Variants in LIMCH1 observed in about 807,000 individuals in gnomAD.
LIMCH1 encodes the protein LIM and calponin homology domains 1.
A neutral mutation model predicts 176.5 loss-of-function variants in LIMCH1; 113 were observed. The observed-to-expected ratio is 0.64, with a 90% confidence interval of 0.55 to 0.75. The LOEUF (loss-of-function observed/expected upper bound fraction) is 0.75. LIMCH1 is among the 30% of genes least tolerant of loss of function. The pLI, the probability that LIMCH1 is intolerant of heterozygous loss-of-function variation, is 0.00. For synonymous variants in LIMCH1, 619 were observed against 645.9 expected (o/e 0.96, Z 0.63); for missense variants, 1,674 against 1,814.9 (o/e 0.92, Z 1.41).
intron 28 of LIMCH1, among the ~76,000 whole-genome samples, 198 bp from the exon 29 acceptor site, chr4:41,687,641 CA>C (rs748514985): frequency 2.0e-5 from 3 of 151,658 alleles, no homozygotes; most frequent in Non-Finnish European, 4.4e-5. Flanking sequence ...GTAGCTAATA[CA>C]TGTACAATTC....
intron 24 of LIMCH1, among the ~76,000 whole-genome samples, 192 bp downstream of exon 24, chr4:41,680,290 G>A (rs954452772): frequency 6.6e-6 from 1 of 152,210 alleles, no homozygotes; most frequent in Admixed American, 6.5e-5. Flanking sequence ...CACAAATACA[G>A]TTCGTGATAA....
At chr4:41,608,639 G>A (rs116673681) in intron 4 of LIMCH1, among the ~76,000 whole-genome samples, 1,836 of 152,254 alleles carry the variant, frequency 0.012, 44 homozygotes, top group African/African-American at 0.042. Flanking sequence ...AGTCTGGCAT[G>A]TAGTAGGTAT....
chr4:41,374,844 T>G (rs1161761822), intron 1 of LIMCH1, among the ~76,000 whole-genome samples: 1 of 152,142 alleles, frequency 6.6e-6, no homozygotes, highest in Non-Finnish European at 1.5e-5. Flanking sequence ...GCTTTTCCAC[T>G]AAAGGCTGGC....
At chr4:41,606,050 G>A (rs1250712959) in intron 4 of LIMCH1, 46 bp downstream of exon 4, 1 of 1,342,138 alleles carries the variant, frequency 7.5e-7, no homozygotes, top group Non-Finnish European at 1.1e-6. Context: ...AGACAAGGTG[G>A]GAAAGCTACA....
At chr4:41,475,462 A>G (rs1481904213) in intron 1 of LIMCH1, among the ~76,000 whole-genome samples, 1 of 152,196 alleles carries the variant, frequency 6.6e-6, no homozygotes, top group Non-Finnish European at 1.5e-5. Context: ...TTTCTTCCCC[A>G]CTTTGCATTC....
chr4:41,501,022 C>T (rs1246894703), intron 2 of LIMCH1, among the ~76,000 whole-genome samples: 1 of 152,110 alleles, frequency 6.6e-6, no homozygotes, highest in South Asian at 2.1e-4. Context: ...AACTGAGGAT[C>T]ATCAAAATCA....
At chr4:41,396,702 A>C (rs1220550630) in intron 1 of LIMCH1, among the ~76,000 whole-genome samples, 2 of 152,058 alleles carry the variant, frequency 1.3e-5, no homozygotes, top group Admixed American at 1.3e-4. Context: ...GGAGTTCGAG[A>C]CCAGCCTGGC....
At chr4:41,571,992 C>T (rs2083633125) in intron 1 of LIMCH1, among the ~76,000 whole-genome samples, 1 of 152,124 alleles carries the variant, frequency 6.6e-6, no homozygotes, top group South Asian at 2.1e-4. Context: ...ATTTTAATCT[C>T]CAATGATTTC....
At chr4:41,403,933 T>G (rs1034684752) in intron 1 of LIMCH1, among the ~76,000 whole-genome samples, 7 of 152,190 alleles carry the variant, frequency 4.6e-5, no homozygotes, top group African/African-American at 1.7e-4. Flanking sequence ...CAAATTGATT[T>G]CAGACATTTG....
At chr4:41,414,496 C>T (rs1234006524) in intron 1 of LIMCH1, among the ~76,000 whole-genome samples, 1 of 152,218 alleles carries the variant, frequency 6.6e-6, no homozygotes, top group Non-Finnish European at 1.5e-5. Context: ...ACACGCTAGA[C>T]TAATCTAATG....
intron 1 of LIMCH1, among the ~76,000 whole-genome samples, chr4:41,432,755 C>T (rs28619445): frequency 0.018 from 2,666 of 152,234 alleles, 69 homozygotes; most frequent in African/African-American, 0.059. Context: ...TCAATGGCAA[C>T]GATCCTTCCT....
Position 41,682,474 on chromosome 4 carries a change from C to T in LIMCH1, c.3845+14C>T. 1 of 1,608,900 alleles carries T rather than the reference C, an allele frequency of 6.2e-7. No homozygotes were observed. Among genetic ancestry groups the T allele is most frequent in the Non-Finnish European group, 8.5e-7 (1 of 1,177,694 alleles). On this transcript the variant is annotated intron_variant, in intron 26 of 31. Coordinates refer to ENST00000503057, the MANE Select transcript of LIMCH1 (RefSeq NM_001330672.2). ...GGAGAAGGGCAGGTATGAGCCCATCCCAAGCCACCATGAAAATGTACAAAG... is the reference window on the plus strand; with the variant it reads ...GGAGAAGGGCAGGTATGAGCCCATCTCAAGCCACCATGAAAATGTACAAAG...
At chr4:41,472,395 C>G (rs1386625961) in intron 1 of LIMCH1, among the ~76,000 whole-genome samples, 2 of 143,282 alleles carry the variant, frequency 1.4e-5, no homozygotes, top group African/African-American at 5.1e-5. Flanking sequence ...CTTCATTCCT[C>G]TCTCTCTCTC....
chr4:41,421,601 A>T (rs1474104299), intron 1 of LIMCH1, among the ~76,000 whole-genome samples: 1 of 152,144 alleles, frequency 6.6e-6, no homozygotes, highest in Non-Finnish European at 1.5e-5. Flanking sequence ...CAATGACCTG[A>T]TGTTACTTTG....
chr4:41,464,370 CTT>C (rs753362999), intron 1 of LIMCH1, among the ~76,000 whole-genome samples: 5 of 139,108 alleles, frequency 3.6e-5, no homozygotes, highest in Admixed American at 1.4e-4. Flanking sequence ...TTCTTTTTTT[CTT>C]TTTTTTTTTT....
chr4:41,412,281 T>A (rs576578789), intron 1 of LIMCH1, among the ~76,000 whole-genome samples: 5 of 152,274 alleles, frequency 3.3e-5, no homozygotes, highest in Non-Finnish European at 7.4e-5. Flanking sequence ...CTGAAAAAAG[T>A]GTCAAGTTGA....
intron 1 of LIMCH1, among the ~76,000 whole-genome samples, chr4:41,584,322 G>A (rs925491199): frequency 1.3e-5 from 2 of 152,090 alleles, no homozygotes; most frequent in Non-Finnish European, 2.9e-5. Context: ...TTGAAAGTTG[G>A]GTTTTAGATG....
intron 1 of LIMCH1, among the ~76,000 whole-genome samples, chr4:41,468,571 A>G (rs1315436623): frequency 6.6e-6 from 1 of 151,840 alleles, no homozygotes; most frequent in Non-Finnish European, 1.5e-5. Context: ...GTGTTTGATT[A>G]CAGAGTGCTT....
At chr4:41,414,542 G>T (rs1397330747) in intron 1 of LIMCH1, among the ~76,000 whole-genome samples, 1 of 152,102 alleles carries the variant, frequency 6.6e-6, no homozygotes, top group East Asian at 1.9e-4. Context: ...CTGTAAATCC[G>T]TATGTCAGAT....
Sources: allele counts gnomAD v4.1 joint callset (sites outside exome capture counted in the v4.1 genomes callset), GRCh38; gene constraint gnomAD v4.1.1; transcripts MANE v1.5; gene names NCBI Gene and HGNC (gene_info 2026-07-23, HGNC 2026-07-21).